The following AP1G1 variants were observed in gnomAD, a reference collection of about 807,000 sequenced individuals.
The protein encoded by AP1G1 is adaptor related protein complex 1 subunit gamma 1, also known as AP-1 complex subunit gamma-1.
Under a neutral mutation model 108.3 loss-of-function variants are expected in AP1G1, and 7 were observed. The observed-to-expected ratio is 0.06, with a 90% confidence interval of 0.04 to 0.12. AP1G1 has a LOEUF of 0.12. Among genes scored for constraint, AP1G1 ranks in the 10% least tolerant of loss-of-function variants. The pLI is 1.00. For missense variants in AP1G1, 756 were observed against 1,010.7 expected, an observed-to-expected ratio of 0.75 and a Z score of 3.42; for synonymous variants, 379 against 353.5, an observed-to-expected ratio of 1.07 and a Z score of -0.81.
chr16:71,736,095 T>A (rs2045531882), intron 21 of AP1G1, among the ~76,000 whole-genome samples: 2 of 13,998 alleles, frequency 1.4e-4, no homozygotes, highest in Admixed American at 1.7e-3. Context: ...TGAGACTCCA[T>A]CTCAAAAAAA....
At chr16:71,758,243 A>G (rs2030900847) in intron 11 of AP1G1, 1 of 340,012 alleles carries the variant, frequency 2.9e-6, no homozygotes, top group Non-Finnish European at 5.8e-6. Context: ...TTCTACAAAC[A>G]TCTAGAGTTC....
At chr16:71,791,982 G>A (rs535543722) in intron 1 of AP1G1, among the ~76,000 whole-genome samples, 1 of 152,044 alleles carries the variant, frequency 6.6e-6, no homozygotes, top group African/African-American at 2.4e-5. Flanking sequence ...GGTTGGTCTC[G>A]AACTCCTGAC....
chr16:71,746,779 T>C (rs1187428227), intron 16 of AP1G1, 87 bp from the exon 17 acceptor site: 8 of 943,822 alleles, frequency 8.5e-6, no homozygotes, highest in South Asian at 1.6e-5. Context: ...CAGAATTTTC[T>C]GGTTAAAATA....
chr16:71,798,977 G>T (rs1193080009), intron 1 of AP1G1, among the ~76,000 whole-genome samples: 1 of 150,916 alleles, frequency 6.6e-6, no homozygotes, highest in African/African-American at 2.4e-5. Flanking sequence ...GCTCCTACAG[G>T]AGGAAAAAAA....
chr16:71,739,241 A>G lies in AP1G1; in HGVS notation c.2100T>C (p.Ile700=). ...GLSSQPLFND[I]AAGIPSITAY... ...TAACAACAGTCATCGTACCTGCAGC[A>G]ATATCATTGAAGAGAGGCTGTGATG... Residue 700 remains isoleucine, a synonymous_variant, in exon 20 of 23, where the codon ATT becomes ATC. Coordinates refer to ENST00000299980, the MANE Select transcript of AP1G1 (RefSeq NM_001128.6). 6.2e-7 allele frequency: 1 copy of G among 1,613,460 alleles called. No homozygotes were observed. Among genetic ancestry groups the G allele is most frequent in the Non-Finnish European group, 8.5e-7 (1 of 1,179,602 alleles).
intron 2 of AP1G1, among the ~76,000 whole-genome samples, chr16:71,781,395 C>T (rs180717328): frequency 6.6e-6 from 1 of 152,216 alleles, no homozygotes; most frequent in Admixed American, 6.5e-5. Context: ...ACTGACACAC[C>T]AAGCAGCTTT....
intron 3 of AP1G1, 38 bp downstream of exon 3, chr16:71,774,430 A>T: frequency 6.3e-7 from 1 of 1,580,150 alleles, no homozygotes; most frequent in Non-Finnish European, 8.6e-7. Context: ...AGAACAAAGT[A>T]GTTAACAGTT....
intron 19 of AP1G1, among the ~76,000 whole-genome samples, chr16:71,744,623 C>T (rs2030071928): frequency 7.4e-6 from 1 of 135,986 alleles, no homozygotes; most frequent in Non-Finnish European, 1.5e-5. Flanking sequence ...ACCCAGGCTG[C>T]AGTACACACT....
chr16:71,805,847 A>G (rs1597097306), intron 1 of AP1G1, among the ~76,000 whole-genome samples: 1 of 151,818 alleles, frequency 6.6e-6, no homozygotes, highest in African/African-American at 2.4e-5. Context: ...ATGACAAAAC[A>G]CTATCTATAC....
chr16:71,808,832 T>C lies in AP1G1; in HGVS notation c.-73A>G. On this transcript the variant is annotated 5_prime_UTR_variant, in exon 1 of 23. It removes an upstream start codon present in the reference 5' UTR. Coordinates refer to ENST00000299980, the MANE Select transcript of AP1G1 (RefSeq NM_001128.6). ...CAGCAGTGGCAGCAGGAACCGAACA[T>C]CCAAAATGGCGGCTCCCTCGGCCTC... 1 of 1,289,288 alleles carries C rather than the reference T, an allele frequency of 7.8e-7. No individual in the cohort carries two copies. The highest frequency in any genetic ancestry group is 1.0e-6 in the Non-Finnish European group (1 of 988,756). The allele number at this position is 1,289,288 out of a possible 1,614,324, so 79.9% of individuals were successfully genotyped here.
chr16:71,748,404 C>T (rs768913394), intron 15 of AP1G1, 26 bp from the exon 16 acceptor site: 24 of 1,604,222 alleles, frequency 1.5e-5, no homozygotes, highest in African/African-American at 5.4e-5. Context: ...AAAAAGAAGA[C>T]GATGAAGAAT....
intron 2 of AP1G1, among the ~76,000 whole-genome samples, chr16:71,782,103 A>AGGAAGGCCATACT (rs2032040434): frequency 6.6e-6 from 1 of 152,246 alleles, no homozygotes; most frequent in Non-Finnish European, 1.5e-5. Flanking sequence ...TCTATACAGA[A>AGGAAGGCCATACT]GGAAGGCCAT....
intron 21 of AP1G1, among the ~76,000 whole-genome samples, chr16:71,736,774 T>TA (rs1491149540): frequency 1.8e-5 from 2 of 108,470 alleles, no homozygotes; most frequent in African/African-American, 6.8e-5. Context: ...TTTTTTTTTT[T>TA]AGTAGAGACG....
chr16:71,745,838 T>C (rs984567128), intron 17 of AP1G1, among the ~76,000 whole-genome samples: 1 of 111,664 alleles, frequency 9.0e-6, no homozygotes, highest in African/African-American at 3.3e-5. Context: ...CCCAGCTAAA[T>C]CCCAAAGCAT....
chr16:71,748,600 G>A (rs1294158591), intron 15 of AP1G1, among the ~76,000 whole-genome samples: 1 of 152,094 alleles, frequency 6.6e-6, no homozygotes, highest in Non-Finnish European at 1.5e-5. Flanking sequence ...CAGAGCAGGT[G>A]GGGGTAAAAA....
At chr16:71,737,523 G>A (rs1017105042) in intron 21 of AP1G1, among the ~76,000 whole-genome samples, 2 of 152,142 alleles carry the variant, frequency 1.3e-5, no homozygotes, top group Admixed American at 1.3e-4. Context: ...GAGCTCAAGC[G>A]ATCCACCCGC....
rs1156729956 is a variant in AP1G1, at chr16:71,729,687, G to C, written c.*3371C>G. Reference sequence around the variant, plus strand: ...TGTTTTAAACTTCAGGACTTTCTGTGCAATTCTCTCTCCAATGATCCTACC... The same window carrying C: ...TGTTTTAAACTTCAGGACTTTCTGTCCAATTCTCTCTCCAATGATCCTACC... On this transcript the variant is annotated 3_prime_UTR_variant, in exon 23 of 23. Transcript: ENST00000299980. 6.6e-6 allele frequency: 1 copy of C among 152,592 alleles called. No individual in the cohort carries two copies. The highest frequency in any genetic ancestry group is 2.4e-5 in the African/African-American group (1 of 41,434). The allele number at this position is 152,592 out of a possible 1,614,324, so 9.5% of individuals were successfully genotyped here. A position where few individuals can be genotyped will look rare whatever the true frequency, so the allele number is the denominator to read the frequency against.
intron 17 of AP1G1, among the ~76,000 whole-genome samples, chr16:71,746,349 C>T (rs1010442564): frequency 6.6e-6 from 1 of 152,142 alleles, no homozygotes; most frequent in African/African-American, 2.4e-5. Context: ...ATAAAGCAAA[C>T]TTTCCATATC....
At chr16:71,744,679 G>A (rs988447577) in intron 19 of AP1G1, among the ~76,000 whole-genome samples, 4 of 146,398 alleles carry the variant, frequency 2.7e-5, no homozygotes, top group African/African-American at 1.0e-4. Context: ...AGGTTCAAGC[G>A]ATTCTCCTGC....
Sources: gnomAD v4.1 joint callset for allele counts (sites outside exome capture counted in the v4.1 genomes callset) on GRCh38, gnomAD v4.1.1 for gene constraint, MANE v1.5 for transcripts, NCBI Gene and HGNC (gene_info 2026-07-23, HGNC 2026-07-21) for gene names.